The following APBB2 variants were observed in gnomAD, a reference collection of about 807,000 sequenced individuals.
APBB2 encodes the protein amyloid beta precursor protein binding family B member 2.
In APBB2, 38 loss-of-function variants were observed where a neutral mutation model predicts 82.5. The ratio of observed to expected loss-of-function variants is 0.46; its 90% confidence interval spans 0.36 to 0.60. The LOEUF (loss-of-function observed/expected upper bound fraction) is 0.60, where lower values mean the gene tolerates loss of function less well. Ranked by LOEUF, APBB2 falls within the 20% of genes least tolerant of loss-of-function variation. The probability of loss-of-function intolerance (pLI) is 0.00; values close to 1 mark genes in which losing one functional copy is unlikely to be tolerated. For missense variants in APBB2, 772 were observed against 972.3 expected, an observed-to-expected ratio of 0.79 and a Z score of 2.74; for synonymous variants, 341 against 368.2, an observed-to-expected ratio of 0.93 and a Z score of 0.85.
At chr4:40,830,794 C>T (rs1051898416) in intron 12 of APBB2, among the ~76,000 whole-genome samples, 2 of 152,120 alleles carry the variant, frequency 1.3e-5, no homozygotes, top group African/African-American at 2.4e-5. Context: ...GTGGGCTAGG[C>T]GCAGTGGCTC....
chr4:41,180,926 C>G (rs1477946128), intron 1 of APBB2, among the ~76,000 whole-genome samples: 1 of 132,868 alleles, frequency 7.5e-6, no homozygotes, highest in Admixed American at 7.8e-5. Flanking sequence ...GAAGAATGAA[C>G]CCCTGAAAGA....
intron 10 of APBB2, among the ~76,000 whole-genome samples, chr4:40,930,448 T>TGTGCGC (rs1480774001): frequency 2.1e-4 from 14 of 66,536 alleles, no homozygotes; most frequent in African/African-American, 5.2e-4. Context: ...TGTGTGTGTG[T>TGTGCGC]GCGCGCGCGC....
At chr4:40,908,384 A>G (rs1056648757) in intron 10 of APBB2, among the ~76,000 whole-genome samples, 4 of 152,164 alleles carry the variant, frequency 2.6e-5, no homozygotes, top group Non-Finnish European at 5.9e-5. Context: ...AGCATATGGC[A>G]GAGCTGGCAG....
intron 4 of APBB2, among the ~76,000 whole-genome samples, chr4:41,034,374 G>C (rs1012480112): frequency 5.9e-5 from 9 of 152,262 alleles, no homozygotes; most frequent in Middle Eastern, 3.4e-3. Flanking sequence ...ACCCAGGCTG[G>C]AGGGCAATAG....
chr4:40,834,621 A>C (rs1753208169), intron 12 of APBB2, among the ~76,000 whole-genome samples: 1 of 152,104 alleles, frequency 6.6e-6, no homozygotes, highest in Admixed American at 6.5e-5. Flanking sequence ...TGATCAACAA[A>C]GGATCCTGAG....
intron 1 of APBB2, among the ~76,000 whole-genome samples, chr4:41,146,727 A>G (rs1760866370): frequency 6.6e-6 from 1 of 152,226 alleles, no homozygotes. Context: ...TAGTCTGAAA[A>G]GCCAGGGGAG....
chr4:41,188,666 G>A (rs930564917), intron 1 of APBB2, among the ~76,000 whole-genome samples: 10 of 152,190 alleles, frequency 6.6e-5, no homozygotes, highest in Non-Finnish European at 1.3e-4. Flanking sequence ...TGTTACAGCA[G>A]CCTGAACAGA....
chr4:40,945,169 TC>T, intron 6 of APBB2, 96 bp from the exon 7 acceptor site: 1 of 850,210 alleles, frequency 1.2e-6, no homozygotes, highest in Non-Finnish European at 1.9e-6. Flanking sequence ...GGCAGACGTG[TC>T]CATAGTCCAA....
At chr4:41,153,676 TAATATG>T (rs1248033838) in intron 1 of APBB2, among the ~76,000 whole-genome samples, 15 of 152,292 alleles carry the variant, frequency 9.8e-5, no homozygotes, top group African/African-American at 3.6e-4. Flanking sequence ...GAAGGAGCTT[TAATATG>T]AAGGAAGCAT....
chr4:41,040,258 A>C (rs1157627051), intron 4 of APBB2, among the ~76,000 whole-genome samples: 1 of 152,212 alleles, frequency 6.6e-6, no homozygotes, highest in East Asian at 1.9e-4. Flanking sequence ...TTCCAGGCTT[A>C]GATCTATCTA....
chr4:40,834,145 T>C (rs1753030624), intron 12 of APBB2, among the ~76,000 whole-genome samples: 1 of 152,150 alleles, frequency 6.6e-6, no homozygotes, highest in African/African-American at 2.4e-5. Context: ...CTTTTGTTGT[T>C]TCCTCCAAGG....
intron 1 of APBB2, among the ~76,000 whole-genome samples, chr4:41,164,070 T>C (rs1173252478): frequency 2.0e-5 from 3 of 152,248 alleles, no homozygotes; most frequent in Non-Finnish European, 2.9e-5. Context: ...TGGAAATATC[T>C]GCATAAGGAA....
rs542312087 is a variant in APBB2 at position 41,112,698 on chromosome 4, T to A, written c.-260-11948A>T. On this transcript the variant is annotated intron_variant, in intron 2 of 17. Coordinates refer to ENST00000508593, the MANE Select transcript of APBB2 (RefSeq NM_004307.2). Reference sequence around the variant, plus strand: ...TGGGTCTACACAGCATTATTAAGAATGTGGTTTCAGGCCGGGCGTGGTGGC... The same window carrying A: ...TGGGTCTACACAGCATTATTAAGAAAGTGGTTTCAGGCCGGGCGTGGTGGC... 2.0e-5 allele frequency among the ~76,000 whole-genome samples: 3 copies of A among 152,320 alleles called. No individual in the cohort carries two copies. In the East Asian group the frequency reaches 5.8e-4, roughly 29 times the overall value.
chr4:40,908,032 A>T (rs1056583986), intron 10 of APBB2, among the ~76,000 whole-genome samples: 1 of 150,384 alleles, frequency 6.6e-6, no homozygotes, highest in Non-Finnish European at 1.5e-5. Flanking sequence ...TGTGTGGCAT[A>T]TGTGTATGGT....
intron 5 of APBB2, among the ~76,000 whole-genome samples, chr4:41,018,500 G>A (rs1398077235): frequency 2.0e-5 from 3 of 152,178 alleles, no homozygotes; most frequent in Non-Finnish European, 4.4e-5. Flanking sequence ...AAAGGCAGGG[G>A]TTCTTCTGAA....
At chr4:41,122,399 T>C (rs1377883692) in intron 2 of APBB2, among the ~76,000 whole-genome samples, 2 of 152,190 alleles carry the variant, frequency 1.3e-5, no homozygotes, top group Non-Finnish European at 1.5e-5. Flanking sequence ...CTTCTTCCCC[T>C]CTGTTCTTCA....
chr4:41,140,821 G>A (rs1758914238), intron 2 of APBB2, among the ~76,000 whole-genome samples: 1 of 152,204 alleles, frequency 6.6e-6, no homozygotes, highest in African/African-American at 2.4e-5. Flanking sequence ...TGCTTCCTAT[G>A]AGAATGTAAT....
chr4:41,009,939 ACT>A (rs1807852429), intron 6 of APBB2, among the ~76,000 whole-genome samples: 1 of 152,220 alleles, frequency 6.6e-6, no homozygotes, highest in Admixed American at 6.5e-5. Context: ...TATTTTAAAC[ACT>A]AACAGTATGT....
At chr4:41,174,745 G>A (rs889450705) in intron 1 of APBB2, among the ~76,000 whole-genome samples, 11 of 152,108 alleles carry the variant, frequency 7.2e-5, no homozygotes, top group Non-Finnish European at 1.5e-5. Context: ...GAAGAACTAC[G>A]TGACCACATA....
Sources: allele counts gnomAD v4.1 joint callset (sites outside exome capture counted in the v4.1 genomes callset), GRCh38; gene constraint gnomAD v4.1.1; transcripts MANE v1.5; gene names NCBI Gene and HGNC (gene_info 2026-07-23, HGNC 2026-07-21).